CD8B2: variants seen among roughly 807,000 people sequenced by gnomAD.
The protein encoded by CD8B2 is T-cell surface glycoprotein CD8 beta-2 chain.
A neutral mutation model predicts 23.7 loss-of-function variants in CD8B2; 11 were observed. That is an observed-to-expected ratio of 0.46 (90% confidence interval 0.29 to 0.77). The LOEUF (loss-of-function observed/expected upper bound fraction) is 0.77, where lower values mean the gene tolerates loss of function less well. CD8B2 is among the 30% of genes least tolerant of loss of function. CD8B2 has a pLI of 0.09. For missense variants in CD8B2, 197 were observed against 270.5 expected, an observed-to-expected ratio of 0.73 and a Z score of 1.91; for synonymous variants, 90 against 109.3, an observed-to-expected ratio of 0.82 and a Z score of 1.10.
chr2:106,504,318 A>G lies in CD8B2; in HGVS notation c.613A>G (p.Met205Val), dbSNP rs1679464678. The G allele has an allele frequency of 4.1e-5, 64 of 1,554,630 alleles. No individual in the cohort carries two copies. Among genetic ancestry groups the G allele is most frequent in the Middle Eastern group, 1.7e-4 (1 of 5,948 alleles). ...CRRRRARLRF[M>V]KQFYK ...GCGGAGGAGAGCCCGGCTTCGTTTC[A>G]TGAAACAGTAAGTGTATAACCTGGG... Residue 205 changes from methionine to valine, a missense_variant, in exon 5 of 6, where the codon ATG becomes GTG. Met to Val is a conservative substitution (Grantham distance 21). This residue lies in a region of CD8B2 where 22 missense variants were observed against 23.4 expected (regional missense o/e 0.94). Coordinates refer to ENST00000643224, the MANE Select transcript of CD8B2 (RefSeq NM_001349727.2).
intron 5 of CD8B2, among the ~76,000 whole-genome samples, chr2:106,535,784 A>C (rs1010616533): frequency 6.6e-6 from 1 of 152,170 alleles, no homozygotes; most frequent in Non-Finnish European, 1.5e-5. Flanking sequence ...ATTCCAGCTA[A>C]TGGTTTATAT....
intron 5 of CD8B2, among the ~76,000 whole-genome samples, chr2:106,504,851 A>G (rs1679475397): frequency 6.6e-6 from 1 of 152,162 alleles, no homozygotes; most frequent in Non-Finnish European, 1.5e-5. Flanking sequence ...TTGACAGATC[A>G]GTGGAGAGAC....
chr2:106,537,580 T>A (rs1680108848), intron 5 of CD8B2, among the ~76,000 whole-genome samples: 1 of 152,202 alleles, frequency 6.6e-6, no homozygotes, highest in Non-Finnish European at 1.5e-5. Context: ...TTAAAATCTC[T>A]TTTTACTTGG....
At chr2:106,506,050 G>A (rs113605131) in intron 5 of CD8B2, among the ~76,000 whole-genome samples, 3 of 152,060 alleles carry the variant, frequency 2.0e-5, no homozygotes, top group South Asian at 2.1e-4. Context: ...TAAGAGAATC[G>A]CTTGAACCCC....
chr2:106,518,203 G>A lies in CD8B2; in HGVS notation c.620+13878G>A, dbSNP rs147743659. On this transcript the variant is annotated intron_variant, in intron 5 of 5. Coordinates refer to the CD8B2 transcript ENST00000416057. ...GATGGTAGGAGGGTTCCTTGACTTG[G>A]GCTTCTTTAGAAAATGAAAATAATA... 1.7e-3 allele frequency among the ~76,000 whole-genome samples: 254 copies of A among 152,140 alleles called. 2 individuals carry two copies. The Middle Eastern group carries it at 0.024, about 14-fold the overall frequency.
intron 2 of CD8B2, among the ~76,000 whole-genome samples, chr2:106,492,591 G>A (rs1679216546): frequency 6.6e-6 from 1 of 152,196 alleles, no homozygotes; most frequent in Admixed American, 6.5e-5. Context: ...CTCACAGCCT[G>A]CCTCTGGCTC....
chr2:106,543,405 C>A (rs2104579590), intron 5 of CD8B2, among the ~76,000 whole-genome samples: 1 of 152,200 alleles, frequency 6.6e-6, no homozygotes, highest in African/African-American at 2.4e-5. Context: ...TGGCACCCAC[C>A]TATGGTCCCA....
intron 5 of CD8B2, among the ~76,000 whole-genome samples, chr2:106,525,483 T>G (rs1034928620): frequency 6.6e-6 from 1 of 152,198 alleles, no homozygotes; most frequent in Non-Finnish European, 1.5e-5. Context: ...GACATGAAAT[T>G]GATCATTTTA....
intron 1 of CD8B2, among the ~76,000 whole-genome samples, chr2:106,489,400 A>G (rs1679147849): frequency 6.6e-6 from 1 of 151,810 alleles, no homozygotes; most frequent in African/African-American, 2.4e-5. Flanking sequence ...GAAGGCCATT[A>G]TGGGGCCACG....
chr2:106,503,724 A>G (rs1679456601), intron 4 of CD8B2, among the ~76,000 whole-genome samples: 1 of 150,756 alleles, frequency 6.6e-6, no homozygotes, highest in East Asian at 2.0e-4. Context: ...ACTTGAGCCC[A>G]GGAGTTCAAG....
chr2:106,533,234 G>A (rs1680018165), intron 5 of CD8B2, among the ~76,000 whole-genome samples: 2 of 152,162 alleles, frequency 1.3e-5, no homozygotes, highest in Admixed American at 6.5e-5. Flanking sequence ...CAGATGGATA[G>A]GGCTCAGGTC....
At chr2:106,490,700 G>A (rs1679177503) in intron 1 of CD8B2, among the ~76,000 whole-genome samples, 174 bp from the exon 2 acceptor site, 1 of 152,258 alleles carries the variant, frequency 6.6e-6, no homozygotes, top group Non-Finnish European at 1.5e-5. Context: ...GGGAGGTGGG[G>A]TATGTGAACT....
chr2:106,532,938 A>G (rs927880974), intron 5 of CD8B2, among the ~76,000 whole-genome samples: 3 of 152,132 alleles, frequency 2.0e-5, no homozygotes, highest in African/African-American at 7.2e-5. Context: ...TTTTACCCAG[A>G]CCCTATTCAA....
intron 1 of CD8B2, 122 bp downstream of exon 1, chr2:106,487,591 G>A: frequency 2.0e-6 from 1 of 487,968 alleles, no homozygotes; most frequent in Non-Finnish European, 3.2e-6. Context: ...CGGTGGCGGG[G>A]CGCCCGGGAG....
At chr2:106,499,654 A>C (rs987369059) in intron 3 of CD8B2, among the ~76,000 whole-genome samples, 1 of 152,060 alleles carries the variant, frequency 6.6e-6, no homozygotes, top group Non-Finnish European at 1.5e-5. Flanking sequence ...CCGTTACCGT[A>C]ATCTAGTTTC....
At chr2:106,503,431 GC>G (rs1679451769) in intron 4 of CD8B2, among the ~76,000 whole-genome samples, 1 of 152,102 alleles carries the variant, frequency 6.6e-6, no homozygotes, top group Non-Finnish European at 1.5e-5. Context: ...CCACAGAGGG[GC>G]CCATGTACCC....
intron 3 of CD8B2, among the ~76,000 whole-genome samples, chr2:106,498,581 G>A (rs1679343327): frequency 6.6e-6 from 1 of 152,124 alleles, no homozygotes; most frequent in African/African-American, 2.4e-5. Context: ...GATGGGTGTG[G>A]GGAAAGTAGG....
At chr2:106,542,139 T>A (rs1304690329) in intron 5 of CD8B2, among the ~76,000 whole-genome samples, 1 of 152,236 alleles carries the variant, frequency 6.6e-6, no homozygotes, top group Admixed American at 6.5e-5. Flanking sequence ...ACCTTCAGCC[T>A]CCCCTCCTCT....
intron 5 of CD8B2, among the ~76,000 whole-genome samples, chr2:106,517,967 G>T (rs570381375): frequency 2.1e-4 from 32 of 152,090 alleles, no homozygotes; most frequent in Non-Finnish European, 4.0e-4. Flanking sequence ...GCCTGCCTCG[G>T]CCTCCCAAAG....
Sources: allele counts gnomAD v4.1 joint callset (sites outside exome capture counted in the v4.1 genomes callset), GRCh38; gene constraint gnomAD v4.1.1; regional missense constraint gnomAD v4.1.1; transcripts MANE v1.5; gene names NCBI Gene and HGNC (gene_info 2026-07-23, HGNC 2026-07-21).